VPS13B: variants seen among roughly 807,000 people sequenced by gnomAD.
The protein encoded by VPS13B is intermembrane lipid transfer protein VPS13B.
A neutral mutation model predicts 426.4 loss-of-function variants in VPS13B; 285 were observed. The observed-to-expected ratio is 0.67, with a 90% CI of 0.61 to 0.74. The LOEUF (loss-of-function observed/expected upper bound fraction) is 0.74, where lower values mean the gene tolerates loss of function less well. Among genes scored for constraint, VPS13B ranks in the 30% least tolerant of loss-of-function variants. The pLI is 0.00. For synonymous variants in VPS13B, 1,676 were observed against 1,676.4 expected, an observed-to-expected ratio of 1.00 and a Z score of 0.01; for missense variants, 4,537 against 4,782.6, an observed-to-expected ratio of 0.95 and a Z score of 1.51.
At chr8:99,651,882 C>T (rs1157342369) in intron 34 of VPS13B, among the ~76,000 whole-genome samples, 1 of 152,130 alleles carries the variant, frequency 6.6e-6, no homozygotes, top group Non-Finnish European at 1.5e-5. Flanking sequence ...CTCCTTAGTG[C>T]AATATCTTGT....
intron 3 of VPS13B, among the ~76,000 whole-genome samples, chr8:99,074,716 A>G (rs896022740): frequency 1.6e-4 from 25 of 151,966 alleles, no homozygotes; most frequent in Admixed American, 1.6e-3. Flanking sequence ...GCTCACTGCA[A>G]CATCTGCCTC....
chr8:99,234,475 C>A (rs1398118254), intron 17 of VPS13B: 2 of 561,024 alleles, frequency 3.6e-6, no homozygotes, highest in Non-Finnish European at 7.1e-6. Context: ...CTCGCCGCCG[C>A]CCCGCCCCGA....
At chr8:99,249,326 C>T (rs983456958) in intron 17 of VPS13B, among the ~76,000 whole-genome samples, 1 of 151,794 alleles carries the variant, frequency 6.6e-6, no homozygotes, top group Non-Finnish European at 1.5e-5. Context: ...GATAAAGCTG[C>T]TATAAACATT....
At chr8:99,561,186 A>G (rs1288008614) in intron 31 of VPS13B, among the ~76,000 whole-genome samples, 1 of 152,164 alleles carries the variant, frequency 6.6e-6, no homozygotes, top group Non-Finnish European at 1.5e-5. Context: ...GTTTGTCTCT[A>G]TCTTTCTCCC....
chr8:99,551,898 T>TTAG (rs1428268374), intron 30 of VPS13B, among the ~76,000 whole-genome samples: 1 of 152,002 alleles, frequency 6.6e-6, no homozygotes, highest in Non-Finnish European at 1.5e-5. Flanking sequence ...CTGCCTGGAT[T>TTAG]TAGGGCTTGG....
chr8:99,462,971 C>T (rs1005725115), intron 23 of VPS13B, among the ~76,000 whole-genome samples: 3 of 152,182 alleles, frequency 2.0e-5, no homozygotes, highest in Non-Finnish European at 4.4e-5. Flanking sequence ...GTTTAAGCCA[C>T]TAGTCTATGG....
chr8:99,341,438 C>G (rs1811238598), intron 19 of VPS13B: 1 of 158,860 alleles, frequency 6.3e-6, no homozygotes, highest in Admixed American at 6.5e-5. Flanking sequence ...ACTTCCTTCA[C>G]TTATTTTTCA....
At chr8:99,742,544 A>G (rs1463651598) in intron 39 of VPS13B, among the ~76,000 whole-genome samples, 1 of 152,206 alleles carries the variant, frequency 6.6e-6, no homozygotes, top group Non-Finnish European at 1.5e-5. Flanking sequence ...TTAGACCAAT[A>G]TCCCTGATGA....
chr8:99,859,509 C>T (rs754427556), intron 57 of VPS13B, 29 bp downstream of exon 57: 4 of 1,606,118 alleles, frequency 2.5e-6, no homozygotes, highest in South Asian at 1.1e-5. Context: ...TGTAATAATG[C>T]CTTCACTCCT....
intron 44 of VPS13B, among the ~76,000 whole-genome samples, chr8:99,810,628 T>G (rs1219387591): frequency 6.6e-6 from 1 of 152,232 alleles, no homozygotes; most frequent in African/African-American, 2.4e-5. Flanking sequence ...CCCAATTAAC[T>G]GAGCATTCCT....
chr8:99,788,383 TAAAA>T (rs5893498), intron 43 of VPS13B, among the ~76,000 whole-genome samples: 1 of 102,922 alleles, frequency 9.7e-6, no homozygotes, highest in Admixed American at 1.0e-4. Flanking sequence ...GACCCCATCT[TAAAA>T]AAAAAAAAAA....
At chr8:99,331,999 A>C (rs985658839) in intron 19 of VPS13B, among the ~76,000 whole-genome samples, 3 of 151,718 alleles carry the variant, frequency 2.0e-5, no homozygotes, top group African/African-American at 7.2e-5. Flanking sequence ...TCTCAAAATC[A>C]TTTTTTCAGA....
At chr8:99,736,873 A>G (rs556859671) in intron 39 of VPS13B, among the ~76,000 whole-genome samples, 1 of 152,088 alleles carries the variant, frequency 6.6e-6, no homozygotes, top group Non-Finnish European at 1.5e-5. Flanking sequence ...TTCTTATTTT[A>G]TAAAAACTGT....
At chr8:99,628,776 T>TG (rs949660634) in intron 33 of VPS13B, among the ~76,000 whole-genome samples, 8 of 141,996 alleles carry the variant, frequency 5.6e-5, no homozygotes, top group Non-Finnish European at 9.2e-5. Context: ...TAGCTATGTG[T>TG]TTTTTTTTTT....
At chr8:99,550,684 A>G (rs80306239) in intron 30 of VPS13B, among the ~76,000 whole-genome samples, 32 of 152,058 alleles carry the variant, frequency 2.1e-4, no homozygotes, top group African/African-American at 7.5e-4. Flanking sequence ...TAAAACTAGT[A>G]TTTTAGACAA....
At chr8:99,218,215 A>G (rs1167280730) in intron 17 of VPS13B, among the ~76,000 whole-genome samples, 2 of 152,186 alleles carry the variant, frequency 1.3e-5, no homozygotes, top group East Asian at 3.9e-4. Flanking sequence ...GTTTATTTAC[A>G]TTATTAGAGG....
At chr8:99,381,152 G>T (rs550772390) in intron 19 of VPS13B, among the ~76,000 whole-genome samples, 1 of 152,060 alleles carries the variant, frequency 6.6e-6, no homozygotes, top group African/African-American at 2.4e-5. Flanking sequence ...GAGAACATGT[G>T]GTATTTTGTT....
chr8:99,217,388 A>G (rs764358346), intron 17 of VPS13B, among the ~76,000 whole-genome samples: 1 of 152,162 alleles, frequency 6.6e-6, no homozygotes, highest in Non-Finnish European at 1.5e-5. Flanking sequence ...TAATTCCGCT[A>G]CCTGATAATG....
rs1392160472 is a variant in VPS13B at position 99,720,911 on chromosome 8, C to T, written c.6914C>T (p.Thr2305Ile). Residue 2305 changes from threonine to isoleucine, a missense_variant, in exon 39 of 62, where the codon ACT (threonine) becomes ATT (isoleucine). This residue lies in a region of VPS13B where 4,311 missense variants were observed against 4,474.3 expected (regional missense o/e 0.96). Transcript: ENST00000357162. ...GVYEVLFYNE[T>I]EDCPGMMLWR... ...TATGAAGTCTTATTTTATAATGAAA[C>T]TGAAGATTGCCCAGGGATGATGTTA... 6.2e-7 allele frequency: 1 copy of T among 1,613,864 alleles called. No homozygotes were observed. Among genetic ancestry groups the T allele is most frequent in the Non-Finnish European group, 8.5e-7 (1 of 1,179,912 alleles).
Sources: gnomAD v4.1 joint callset for allele counts (sites outside exome capture counted in the v4.1 genomes callset) on GRCh38, gnomAD v4.1.1 for gene constraint, gnomAD v4.1.1 regional missense constraint, MANE v1.5 for transcripts, NCBI Gene and HGNC (gene_info 2026-07-23, HGNC 2026-07-21) for gene names.